The following ZNF79 variants were observed in gnomAD, a reference collection of about 807,000 sequenced individuals.
ZNF79 encodes the protein ZNFpT7.
In ZNF79, 13 loss-of-function variants were observed where a neutral mutation model predicts 14.9. The observed-to-expected ratio is 0.87, with a 90% CI of 0.57 to 1.38. ZNF79 has a LOEUF of 1.38. ZNF79 is among the 40% of genes most tolerant of loss of function. The pLI, the probability that ZNF79 is intolerant of heterozygous loss-of-function variation, is 0.00. For synonymous variants in ZNF79, 223 were observed against 235.1 expected, an observed-to-expected ratio of 0.95 and a Z score of 0.47; for missense variants, 631 against 630.6, an observed-to-expected ratio of 1.00 and a Z score of -0.01.
chr9:127,438,802 T>TA (rs1471307039), intron 4 of ZNF79, among the ~76,000 whole-genome samples: 2 of 152,064 alleles, frequency 1.3e-5, no homozygotes, highest in African/African-American at 2.4e-5. Context: ...AAAGTGCTCT[T>TA]ACGTTTTAAC....
intron 1 of ZNF79, 200 bp downstream of exon 1, chr9:127,425,003 A>C (rs1833725517): frequency 1.4e-6 from 2 of 1,410,096 alleles, no homozygotes; most frequent in African/African-American, 1.4e-5. Flanking sequence ...TTTTTGAGTA[A>C]AGAATTCGGG....
chr9:127,436,321 C>T (rs1324202539), intron 4 of ZNF79, among the ~76,000 whole-genome samples: 3 of 152,198 alleles, frequency 2.0e-5, no homozygotes, highest in Admixed American at 6.5e-5. Flanking sequence ...GAGTATCCTT[C>T]CTTATTGTTG....
chr9:127,437,179 TG>T (rs1334100195), intron 4 of ZNF79, among the ~76,000 whole-genome samples: 1 of 152,228 alleles, frequency 6.6e-6, no homozygotes, highest in Admixed American at 6.5e-5. Context: ...ATTCTTTGCA[TG>T]GTTCCCTGGA....
At chr9:127,427,531 A>G (rs1414853798) in intron 1 of ZNF79, among the ~76,000 whole-genome samples, 3 of 146,888 alleles carry the variant, frequency 2.0e-5, no homozygotes, top group African/African-American at 7.4e-5. Flanking sequence ...TACCCAGTCA[A>G]TAACTAAATT....
intron 1 of ZNF79, among the ~76,000 whole-genome samples, chr9:127,426,272 G>C (rs1441651867): frequency 6.6e-6 from 1 of 151,838 alleles, no homozygotes; most frequent in African/African-American, 2.4e-5. Flanking sequence ...TGACTCCCCA[G>C]TCCCTCATTT....
chr9:127,433,541 C>T (rs1453498509), intron 2 of ZNF79, among the ~76,000 whole-genome samples: 1 of 152,162 alleles, frequency 6.6e-6, no homozygotes, highest in East Asian at 1.9e-4. Context: ...CTTGTCCTCC[C>T]GCCCTGTACC....
chr9:127,437,749 TC>T (rs1016925179), intron 4 of ZNF79, among the ~76,000 whole-genome samples: 6 of 151,908 alleles, frequency 3.9e-5, no homozygotes, highest in Non-Finnish European at 7.4e-5. Context: ...CCAATCTCTG[TC>T]CCTGTCAGCA....
At chr9:127,441,973 C>T (rs547816488) in intron 4 of ZNF79, among the ~76,000 whole-genome samples, 28 of 151,716 alleles carry the variant, frequency 1.8e-4, no homozygotes, top group Non-Finnish European at 3.7e-4. Flanking sequence ...CAAAATTAGC[C>T]GGGTGTGGTG....
At chr9:127,428,604 T>G in intron 1 of ZNF79, 1 of 1,140,976 alleles carries the variant, frequency 8.8e-7, no homozygotes, top group Non-Finnish European at 1.1e-6. Flanking sequence ...TGCTGCTGAG[T>G]GGTGGATCAT....
intron 1 of ZNF79, among the ~76,000 whole-genome samples, chr9:127,425,081 C>T (rs577655038): frequency 2.0e-5 from 3 of 152,128 alleles, no homozygotes; most frequent in Non-Finnish European, 4.4e-5. Context: ...CCCAGTCTGC[C>T]CAGATGGACC....
intron 4 of ZNF79, among the ~76,000 whole-genome samples, chr9:127,443,339 C>T (rs1325694301): frequency 6.6e-6 from 1 of 152,112 alleles, no homozygotes; most frequent in African/African-American, 2.4e-5. Context: ...TGCTTGAGCC[C>T]AGGAGGTTGA....
chr9:127,426,008 T>G (rs903370890), intron 1 of ZNF79, among the ~76,000 whole-genome samples: 13 of 152,218 alleles, frequency 8.5e-5, no homozygotes, highest in Non-Finnish European at 1.8e-4. Context: ...GGTCGTCATC[T>G]TCCCCATACT....
chr9:127,428,523 T>A, intron 1 of ZNF79: 1 of 307,348 alleles, frequency 3.3e-6, no homozygotes. Context: ...GATTATCCCT[T>A]ACAAGGGTTT....
Position 127,444,361 on chromosome 9 carries a change from T to C in ZNF79, c.661T>C (p.Tyr221His), listed in dbSNP as rs1476625105. 1 of 1,613,286 alleles carries C rather than the reference T, an allele frequency of 6.2e-7. No homozygotes were observed. Among genetic ancestry groups the C allele is most frequent in the South Asian group, 1.1e-5 (1 of 91,026 alleles). ...GAAGAGCCACACTGGAGAGAAGCCC[T>C]ATGAGTGCAGTGAATGTGGGAAGGC... Reference protein sequence around the residue: ...HQKSHTGEKPYECSECGKAFS... With the variant: ...HQKSHTGEKPHECSECGKAFS... The change falls in exon 5 of 5, where the codon TAT becomes CAT. Residue 221 changes from tyrosine (Y) to histidine (H), a missense_variant. Tyr to His is a moderately conservative substitution (Grantham distance 83). Coordinates refer to ENST00000342483, the MANE Select transcript of ZNF79 (RefSeq NM_007135.3).
In ZNF79 at chr9:127,444,954, A is replaced by C; in HGVS notation, c.1254A>C (p.Lys418Asn). Residue 418 changes from lysine (K) to asparagine (N), a missense_variant, in exon 5 of 5, where the codon AAA becomes AAC. Lys to Asn is a moderately conservative substitution (Grantham distance 94, BLOSUM62 0). Coordinates refer to ENST00000342483, the MANE Select transcript of ZNF79 (RefSeq NM_007135.3). The stretch of plus-strand genomic sequence containing the variant: ...CCCACACCGGGGAGAAGCCATATAA[A>C]TGTAATGAATGTGGGAAATTCTTCA... ...QKTHTGEKPY[K>N]CNECGKFFSE... The C allele has an allele frequency of 1.2e-6, 2 of 1,614,188 alleles. No individual in the cohort carries two copies. Among genetic ancestry groups the C allele is most frequent in the Middle Eastern group, 3.3e-4 (2 of 6,062 alleles).
intron 3 of ZNF79, 146 bp downstream of exon 3, chr9:127,435,362 G>T (rs909950617): frequency 1.0e-6 from 1 of 999,484 alleles, no homozygotes; most frequent in Non-Finnish European, 1.4e-6. Flanking sequence ...GAAGGTCTCT[G>T]CATGCTCACT....
At chr9:127,431,356 T>C (rs958387579) in intron 2 of ZNF79, among the ~76,000 whole-genome samples, 1 of 151,522 alleles carries the variant, frequency 6.6e-6, no homozygotes, top group Non-Finnish European at 1.5e-5. Flanking sequence ...CCCCCAATGC[T>C]CAAGCGATTC....
At chr9:127,427,254 A>T (rs1012109103) in intron 1 of ZNF79, among the ~76,000 whole-genome samples, 1 of 101,366 alleles carries the variant, frequency 9.9e-6, no homozygotes, top group Non-Finnish European at 2.0e-5. Flanking sequence ...CCCGTCTACT[A>T]AAAAAAAAAA....
At position 127,431,823 on chromosome 9, in the gene ZNF79, T is replaced by C. The variant is rs751923148; in HGVS notation, c.105+2903T>C. ...TGGCTAGCCAGCTATCCCAGCATCA[T>C]TGATTGAGTAGGGAGTCTTTTTCCC... On this transcript the variant is annotated intron_variant, in intron 2 of 4. Transcript: ENST00000342483. 2.0e-5 allele frequency among the ~76,000 whole-genome samples: 3 copies of C among 152,188 alleles called. No individual in the cohort carries two copies. The South Asian group carries it at 6.2e-4, about 32-fold the overall frequency.
Sources: allele counts gnomAD v4.1 joint callset (sites outside exome capture counted in the v4.1 genomes callset), GRCh38; gene constraint gnomAD v4.1.1; transcripts MANE v1.5; gene names NCBI Gene and HGNC (gene_info 2026-07-23, HGNC 2026-07-21).